Variants in TUT7 observed in about 807,000 individuals in gnomAD.
The protein encoded by TUT7 is terminal uridylyl transferase 7.
Under a neutral mutation model 165.9 loss-of-function variants are expected in TUT7, and 33 were observed. The ratio of observed to expected loss-of-function variants is 0.20; its 90% CI spans 0.15 to 0.27. TUT7 has a LOEUF of 0.27. TUT7 is among the 10% of genes least tolerant of loss of function. The pLI is 1.00. For missense variants in TUT7, 1,338 were observed against 1,762.3 expected (o/e 0.76, Z 4.31); for synonymous variants, 552 against 608.1 (o/e 0.91, Z 1.36).
In TUT7 at chr9:86,311,665, G is replaced by GCCGGTCTCCCTCTGATA. The variant is rs1490275082; in HGVS notation, c.3275-857_3275-856insTATCAGAGGGAGACCGG. Among the ~76,000 whole-genome samples the GCCGGTCTCCCTCTGATA allele has an allele frequency of 1.9e-4, 29 of 151,940 alleles. No homozygotes were observed. Among genetic ancestry groups the GCCGGTCTCCCTCTGATA allele is most frequent in the African/African-American group, 7.0e-4 (29 of 41,388 alleles). ...CCTCTGATGCCGGTCTCCCTCTGAT[G>GCCGGTCTCCCTCTGATA]CCGAGCCGAAGCTGGACTGTACCGC... On this transcript the variant is annotated intron_variant, in intron 17 of 26. Coordinates refer to ENST00000375963, the MANE Select transcript of TUT7 (RefSeq NM_024617.4). The surrounding 1 kb of genome is among the most constrained non-coding windows in gnomAD (Gnocchi z 4.4).
chr9:86,301,194 A>G, intron 26 of TUT7, 82 bp downstream of exon 26: 3 of 1,228,872 alleles, frequency 2.4e-6, no homozygotes, highest in Non-Finnish European at 3.4e-6. Flanking sequence ...AAATAAAGAT[A>G]ACTAAAATAG....
chr9:86,305,595 C>CT (rs1827390882), intron 22 of TUT7, among the ~76,000 whole-genome samples: 1 of 152,164 alleles, frequency 6.6e-6, no homozygotes, highest in African/African-American at 2.4e-5. Flanking sequence ...GCAGAAGACA[C>CT]ATTAGCCTGA....
chr9:86,304,795 A>G (rs933009283), intron 24 of TUT7, 61 bp downstream of exon 24: 3 of 1,013,798 alleles, frequency 3.0e-6, no homozygotes, highest in Non-Finnish European at 4.5e-6. Flanking sequence ...TACTGAAGTG[A>G]TGTGTACAAA....
intron 26 of TUT7, among the ~76,000 whole-genome samples, chr9:86,292,033 A>G (rs1700030792): frequency 6.6e-6 from 1 of 152,198 alleles, no homozygotes; most frequent in Admixed American, 6.5e-5. Context: ...AGCACCATAT[A>G]AAAGTTTTAA....
Position 86,325,304 on chromosome 9 carries a change from G to GAATA in TUT7, c.1789+29_1789+30insTATT, listed in dbSNP as rs751272930. On this transcript the variant is annotated intron_variant, in intron 12 of 26. Transcript: ENST00000375963. ...ACTGGTACCTTTAAAAAAAAGAGTG[G>GAATA]GGGGGAATAAGATAAACATTTTGAG... is the stretch of plus-strand genomic sequence containing the variant. The GAATA allele has an allele frequency of 3.1e-6, 5 of 1,601,430 alleles. No homozygotes were observed. The Admixed American group carries it at 8.5e-5, about 27-fold the overall frequency.
chr9:86,308,470 G>C lies in TUT7; in HGVS notation c.3797C>G (p.Thr1266Ser). ...ISIRRKSLLT[T>S]FKKQWTSKYI... ...TTTTGAGGTCCACTGTTTCTTAAAA[G>C]TTGTAAGCAGACTTTTTCTCCTGAT... is the stretch of plus-strand genomic sequence containing the variant. Residue 1266 changes from threonine (T) to serine (S), a missense_variant, in exon 22 of 27, where the codon ACT (threonine) becomes AGT (serine). Coordinates refer to ENST00000375963, the MANE Select transcript of TUT7 (RefSeq NM_024617.4). 1 of 1,613,598 alleles carries C rather than the reference G, an allele frequency of 6.2e-7. No individual in the cohort carries two copies. Among genetic ancestry groups the C allele is most frequent in the Non-Finnish European group, 8.5e-7 (1 of 1,179,840 alleles).
At chr9:86,302,115 T>G (rs1312763753) in intron 25 of TUT7, among the ~76,000 whole-genome samples, 1 of 152,184 alleles carries the variant, frequency 6.6e-6, no homozygotes, top group East Asian at 1.9e-4. Context: ...AAACAAAGCT[T>G]CTCAAATTCC....
chr9:86,350,655 T>G (rs921281416), intron 2 of TUT7, among the ~76,000 whole-genome samples: 2 of 152,250 alleles, frequency 1.3e-5, no homozygotes, highest in South Asian at 4.1e-4. Context: ...TGCAGCTGCC[T>G]GATTTGTAAA....
intron 2 of TUT7, among the ~76,000 whole-genome samples, chr9:86,349,194 G>A (rs1443102453): frequency 6.6e-6 from 1 of 151,764 alleles, no homozygotes; most frequent in Non-Finnish European, 1.5e-5. Flanking sequence ...CAGGAGAATT[G>A]CTTGAACTCG....
At position 86,352,986 on chromosome 9, in the gene TUT7, C is replaced by G. The variant is rs932006399; in HGVS notation, c.214G>C (p.Val72Leu). 3.1e-6 allele frequency: 5 copies of G among 1,614,080 alleles called. No homozygotes were observed. The highest frequency in any genetic ancestry group is 3.3e-5 in the Admixed American group (2 of 60,010). Reference protein sequence around the residue: ...GNTPRKGPCAVSSNPYAFKNP... With the variant: ...GNTPRKGPCALSSNPYAFKNP... ...TTAAATGCATATGGATTGCTGGAAACAGCACATGGTCCTTTTCTGGGGGTA... is the reference window on the plus strand; with the variant it reads ...TTAAATGCATATGGATTGCTGGAAAGAGCACATGGTCCTTTTCTGGGGGTA... The change falls in exon 2 of 27, where the codon GTT becomes CTT. Residue 72 changes from valine (V) to leucine (L), a missense_variant. By Grantham distance (32) the Val-to-Leu change is conservative. Transcript: ENST00000375963.
rs116111767 is a variant in TUT7, at chr9:86,322,253, T to C, written c.3028+72A>G. ...ATAATGTTTAGAGACCTAAATAGGA[T>C]AGTGATTCTAAAGACTCGAGTAAAT... On this transcript the variant is annotated intron_variant, in intron 14 of 26. Transcript: ENST00000375963. The C allele has an allele frequency of 3.4e-4, 485 of 1,411,054 alleles. 1 individual carries two copies. In the African/African-American group the frequency reaches 6.2e-3, roughly 18 times the overall value. 87.4% of individuals were successfully genotyped at this position (1,411,054 alleles called of 1,614,324 possible).
chr9:86,297,817 A>C (rs903284324), intron 26 of TUT7, among the ~76,000 whole-genome samples: 1 of 151,954 alleles, frequency 6.6e-6, no homozygotes, highest in East Asian at 1.9e-4. Context: ...GGAGAAAAAA[A>C]CCAACAAAAA....
At chr9:86,321,447 G>A (rs779011174) in intron 14 of TUT7, among the ~76,000 whole-genome samples, 3 of 152,050 alleles carry the variant, frequency 2.0e-5, no homozygotes, top group Non-Finnish European at 2.9e-5. Flanking sequence ...GAAACCTGCT[G>A]GCCAGGCGCC....
Position 86,297,935 on chromosome 9 carries a change from T to TTTTTTTTTTTTTC in TUT7, c.4420+3340_4420+3341insGAAAAAAAAAAAA, listed in dbSNP as rs1554691440. 2.1e-5 allele frequency among the ~76,000 whole-genome samples: 3 copies of TTTTTTTTTTTTTC among 145,264 alleles called. 1 individual carries two copies. The highest frequency in any genetic ancestry group is 5.2e-5 in the African/African-American group (2 of 38,678). ...TGCCTGCTCCACTTTTTTTTTTTTT[T>TTTTTTTTTTTTTC]CAAATTTCTTCTGTCTCTCGAGTTT... On this transcript the variant is annotated intron_variant, in intron 26 of 26. Coordinates refer to ENST00000375963, the MANE Select transcript of TUT7 (RefSeq NM_024617.4).
At chr9:86,331,935 G>T (rs138959638) in intron 10 of TUT7, among the ~76,000 whole-genome samples, 6 of 152,110 alleles carry the variant, frequency 3.9e-5, no homozygotes, top group East Asian at 1.9e-4. Flanking sequence ...AAAAAGTTTG[G>T]GTAAAGGGCA....
intron 8 of TUT7, among the ~76,000 whole-genome samples, chr9:86,339,238 T>C (rs911671105): frequency 6.6e-6 from 1 of 152,180 alleles, no homozygotes; most frequent in Non-Finnish European, 1.5e-5. Context: ...TATTATCAAA[T>C]GTTTCGGGCC....
In TUT7 at chr9:86,353,162, G is replaced by T; in HGVS notation, c.38C>A (p.Thr13Asn). 6.3e-7 allele frequency: 1 copy of T among 1,595,826 alleles called. No homozygotes were observed. The highest frequency in any genetic ancestry group is 8.5e-7 in the Non-Finnish European group (1 of 1,174,218). ...ATCATCCATAGTCCCCCGGTCTTTA[G>T]TGCGCTTCACGAAATAAGGTTTTGC... ...DTAKPYFVKR[T>N]KDRGTMDDDD... is the part of the protein sequence containing the mutation. Residue 13 changes from threonine (T) to asparagine (N), a missense_variant, in exon 2 of 27, where the codon ACT (threonine) becomes AAT (asparagine). Thr to Asn is a moderately conservative substitution (Grantham distance 65). Coordinates refer to ENST00000375963, the MANE Select transcript of TUT7 (RefSeq NM_024617.4).
At chr9:86,336,715 T>A (rs958342824) in intron 10 of TUT7, among the ~76,000 whole-genome samples, 1 of 152,142 alleles carries the variant, frequency 6.6e-6, no homozygotes, top group African/African-American at 2.4e-5. Flanking sequence ...TTTCTACACA[T>A]AAAAGTGTAT....
intron 10 of TUT7, among the ~76,000 whole-genome samples, chr9:86,331,494 T>C (rs1465578222): frequency 6.6e-6 from 1 of 152,222 alleles, no homozygotes; most frequent in East Asian, 1.9e-4. Context: ...CCATCAATTT[T>C]TATTTCATGT....
Sources: allele counts gnomAD v4.1 joint callset (sites outside exome capture counted in the v4.1 genomes callset), GRCh38; gene constraint gnomAD v4.1.1; non-coding constraint Gnocchi (gnomAD v3.1); transcripts MANE v1.5; gene names NCBI Gene and HGNC (gene_info 2026-07-23, HGNC 2026-07-21).